Variants in RGPD6 observed in about 807,000 individuals in gnomAD.
The protein encoded by RGPD6 is RANBP2 like and GRIP domain containing 6, also known as RANBP2-like and GRIP domain-containing protein 5/6.
At chr2:110,610,821 CCGA>C in the RGPD6 span, 1 of 1,079,934 alleles carries the variant, frequency 9.3e-7, no homozygotes, top group African/African-American at 1.8e-5. Flanking sequence ...GCCGCCGCCG[CCGA>C]AGCTCGGGCC....
the RGPD6 span, among the ~76,000 whole-genome samples, chr2:110,604,758 T>C: frequency 6.7e-6 from 1 of 149,488 alleles, no homozygotes; most frequent in Non-Finnish European, 1.5e-5. Flanking sequence ...CATTCCATAT[T>C]GAGAGGTTTT....
the RGPD6 span, among the ~76,000 whole-genome samples, chr2:110,604,677 TA>T: frequency 6.6e-6 from 1 of 151,198 alleles, no homozygotes; most frequent in Non-Finnish European, 1.5e-5. Flanking sequence ...TCCCAAAAAT[TA>T]AAATAAAAAA....
At chr2:110,596,786 A>AGG in the RGPD6 span, among the ~76,000 whole-genome samples, 1 of 135,376 alleles carries the variant, frequency 7.4e-6, no homozygotes, top group Non-Finnish European at 1.5e-5. Flanking sequence ...TTTAATTAGA[A>AGG]TTCCACTAGT....
the RGPD6 span, among the ~76,000 whole-genome samples, chr2:110,605,701 G>C: frequency 6.6e-6 from 1 of 151,362 alleles, no homozygotes; most frequent in African/African-American, 2.5e-5. Flanking sequence ...GCATCAGCGG[G>C]CACTACTGGG....
the RGPD6 span, among the ~76,000 whole-genome samples, chr2:110,609,999 G>C: frequency 2.1e-5 from 3 of 145,902 alleles, no homozygotes; most frequent in Non-Finnish European, 4.5e-5. Flanking sequence ...CCCCCGGGCT[G>C]CGAGCTGTGA....
chr2:110,596,349 CA>C, the RGPD6 span, among the ~76,000 whole-genome samples: 1 of 105,474 alleles, frequency 9.5e-6, no homozygotes, highest in Non-Finnish European at 1.9e-5. Context: ...GTCACTGAAG[CA>C]ATGCTTCTTT....
At chr2:110,607,245 T>G in the RGPD6 span, among the ~76,000 whole-genome samples, 1 of 151,264 alleles carries the variant, frequency 6.6e-6, no homozygotes. Context: ...TCTTCAAGAC[T>G]CTACAGAACA....
the RGPD6 span, among the ~76,000 whole-genome samples, chr2:110,604,798 T>G: frequency 1.3e-5 from 2 of 148,488 alleles, no homozygotes; most frequent in Admixed American, 6.7e-5. Flanking sequence ...TAATCTGTAT[T>G]AAGCCAAAGG....
the RGPD6 span, among the ~76,000 whole-genome samples, chr2:110,597,059 A>G: frequency 1.2e-5 from 1 of 83,802 alleles, no homozygotes; most frequent in Admixed American, 1.5e-4. Context: ...GCTCACTGCA[A>G]CCTCTGCCTC....
At chr2:110,601,071 A>G in the RGPD6 span, among the ~76,000 whole-genome samples, 1 of 151,652 alleles carries the variant, frequency 6.6e-6, no homozygotes, top group African/African-American at 2.4e-5. Context: ...CTGAGCTTCT[A>G]TTTTAGTAAA....
At chr2:110,589,525 G>A in the RGPD6 span, among the ~76,000 whole-genome samples, 4 of 152,042 alleles carry the variant, frequency 2.6e-5, no homozygotes, top group African/African-American at 7.3e-5. Context: ...TCAATCAGCC[G>A]GTTTGCAGTT....
chr2:110,600,282 G>A, the RGPD6 span, among the ~76,000 whole-genome samples: 90 of 98,830 alleles, frequency 9.1e-4, no homozygotes, highest in East Asian at 0.024. Context: ...GTGAGTTGGA[G>A]TAGTGTGGTC....
At chr2:110,602,154 G>A in the RGPD6 span, among the ~76,000 whole-genome samples, 5 of 149,212 alleles carry the variant, frequency 3.4e-5, no homozygotes, top group South Asian at 4.3e-4. Context: ...ACCGCAGCTA[G>A]GTTTGGCCAC....
chr2:110,589,478 C>A, the RGPD6 span, among the ~76,000 whole-genome samples: 4 of 152,190 alleles, frequency 2.6e-5, no homozygotes. Context: ...CGGTATTTTT[C>A]ATTTAGCAGT....
the RGPD6 span, among the ~76,000 whole-genome samples, chr2:110,605,532 C>T: frequency 6.6e-6 from 1 of 151,242 alleles, no homozygotes; most frequent in Non-Finnish European, 1.5e-5. Flanking sequence ...AAAATGTTTG[C>T]TTTACTGCAG....
chr2:110,610,397 A>C, the RGPD6 span, among the ~76,000 whole-genome samples: 1 of 144,352 alleles, frequency 6.9e-6, no homozygotes, highest in African/African-American at 2.6e-5. Context: ...ATCCCCAGGC[A>C]TTAGTGACGC....
At chr2:110,591,735 A>G in the RGPD6 span, among the ~76,000 whole-genome samples, 1 of 151,588 alleles carries the variant, frequency 6.6e-6, no homozygotes, top group African/African-American at 2.4e-5. Flanking sequence ...TGAGCTCCCA[A>G]AATCCTAGAT....
chr2:110,605,052 C>T, the RGPD6 span, among the ~76,000 whole-genome samples: 1 of 151,198 alleles, frequency 6.6e-6, no homozygotes, highest in Non-Finnish European at 1.5e-5. Flanking sequence ...CCCTGGTATC[C>T]TCTGGGGCCC....
the RGPD6 span, among the ~76,000 whole-genome samples, chr2:110,604,439 T>C: frequency 7.0e-6 from 1 of 142,400 alleles, no homozygotes; most frequent in Non-Finnish European, 1.5e-5. Context: ...AGACTGAGAA[T>C]AGGAAATGAG....
Sources: allele counts gnomAD v4.1 joint callset (sites outside exome capture counted in the v4.1 genomes callset), GRCh38; gene constraint gnomAD v4.1.1; transcripts MANE v1.5; gene names NCBI Gene and HGNC (gene_info 2026-07-23, HGNC 2026-07-21).